The following DCHS2 variants were observed in gnomAD, a reference collection of about 807,000 sequenced individuals.
DCHS2 encodes the protein protocadherin-23.
In DCHS2, 142 loss-of-function variants were observed where a neutral mutation model predicts 182.4. The ratio of observed to expected loss-of-function variants is 0.78; its 90% CI spans 0.68 to 0.89. The LOEUF is 0.89. Among genes scored for constraint, DCHS2 ranks in the 40% least tolerant of loss-of-function variants. The pLI is 0.00. For missense variants in DCHS2, 4,319 were observed against 4,198.6 expected (o/e 1.03, Z -0.79); for synonymous variants, 1,740 against 1,663.3 (o/e 1.05, Z -1.12).
intron 3 of DCHS2, among the ~76,000 whole-genome samples, chr4:154,336,790 G>T (rs1165316748): frequency 2.0e-5 from 3 of 152,036 alleles, no homozygotes; most frequent in Non-Finnish European, 4.4e-5. Flanking sequence ...TGTACAATTT[G>T]ACAATTTGTG....
chr4:154,325,698 T>A (rs1489120370), intron 7 of DCHS2, among the ~76,000 whole-genome samples: 1 of 152,152 alleles, frequency 6.6e-6, no homozygotes, highest in Non-Finnish European at 1.5e-5. Flanking sequence ...GCTCACTACC[T>A]CTGTATAATC....
chr4:154,287,585 A>G (rs982698611), intron 13 of DCHS2, among the ~76,000 whole-genome samples: 1 of 152,140 alleles, frequency 6.6e-6, no homozygotes, highest in South Asian at 2.1e-4. Context: ...GATTCAAGTG[A>G]TACTTGTACC....
intron 1 of DCHS2, among the ~76,000 whole-genome samples, chr4:154,462,257 C>G (rs11930393): frequency 0.51 from 77,024 of 152,002 alleles, 20,304 homozygotes; most frequent in East Asian, 0.84. Flanking sequence ...CCTTCAATGT[C>G]TTTTCTTATT....
chr4:154,262,950 G>A (rs1733058097), intron 14 of DCHS2, among the ~76,000 whole-genome samples: 1 of 152,204 alleles, frequency 6.6e-6, no homozygotes, highest in African/African-American at 2.4e-5. Context: ...GTGGCATGAA[G>A]TTTAAATACA....
At position 154,234,786 on chromosome 4, in the gene DCHS2, A is replaced by C; in HGVS notation, c.9866T>G (p.Ile3289Ser). 6.2e-7 allele frequency: 1 copy of C among 1,614,024 alleles called. No homozygotes were observed. Among genetic ancestry groups the C allele is most frequent in the Non-Finnish European group, 8.5e-7 (1 of 1,179,942 alleles). The change falls in exon 20 of 20, where the codon ATT (isoleucine) becomes AGT (serine). Residue 3289 changes from isoleucine to serine, a missense_variant. Transcript: ENST00000357232. ...PLITAVAQPGIKAVPPRMPAV... is the reference protein window; with the variant it reads ...PLITAVAQPGSKAVPPRMPAV... ...CGGCATTCTTGGTGGGACTGCTTTA[A>C]TCCCAGGCTGGGCTACTGCTGTTAT...
At chr4:154,410,489 A>C (rs1201462666) in intron 1 of DCHS2, among the ~76,000 whole-genome samples, 1 of 141,796 alleles carries the variant, frequency 7.1e-6, no homozygotes, top group Non-Finnish European at 1.6e-5. Context: ...AAAAAAAAGA[A>C]AATATAATGA....
At chr4:154,345,700 A>T (rs1729326838) in intron 3 of DCHS2, among the ~76,000 whole-genome samples, 1 of 152,198 alleles carries the variant, frequency 6.6e-6, no homozygotes, top group African/African-American at 2.4e-5. Context: ...CCATGAGAGC[A>T]AGGACTGTGT....
At chr4:154,475,280 A>G (rs1026130707) in intron 1 of DCHS2, among the ~76,000 whole-genome samples, 2 of 152,200 alleles carry the variant, frequency 1.3e-5, no homozygotes, top group Admixed American at 6.5e-5. Context: ...TGAAGGTTTA[A>G]TATTTCAGAG....
intron 16 of DCHS2, among the ~76,000 whole-genome samples, chr4:154,247,671 A>G (rs13129992): frequency 0.87 from 123,699 of 141,874 alleles, 55,471 homozygotes; most frequent in East Asian, 1. Flanking sequence ...AAAAAAAAAA[A>G]AGAATTAGAA....
At chr4:154,304,939 G>C in intron 11 of DCHS2, 61 bp from the exon 12 acceptor site, 1 of 1,531,156 alleles carries the variant, frequency 6.5e-7, no homozygotes. Flanking sequence ...AAAATATGTT[G>C]TTCTAACTAG....
intron 16 of DCHS2, among the ~76,000 whole-genome samples, chr4:154,247,791 C>T (rs894851926): frequency 4.0e-5 from 6 of 151,794 alleles, no homozygotes; most frequent in African/African-American, 1.5e-4. Flanking sequence ...GCATATATTA[C>T]ATGAAAGAGT....
chr4:154,286,240 C>A (rs913317294), intron 13 of DCHS2, among the ~76,000 whole-genome samples: 3 of 151,760 alleles, frequency 2.0e-5, no homozygotes, highest in Admixed American at 6.6e-5. Context: ...AGAAGAGATG[C>A]AAACAACCTA....
At chr4:154,486,344 T>C in intron 1 of DCHS2, 1 of 1,247,802 alleles carries the variant, frequency 8.0e-7, no homozygotes, top group Non-Finnish European at 1.1e-6. Context: ...ACTAGAGTGG[T>C]AGGACCCCAA....
At chr4:154,480,263 A>AATAAT (rs1422309549) in intron 1 of DCHS2, among the ~76,000 whole-genome samples, 1 of 152,238 alleles carries the variant, frequency 6.6e-6, no homozygotes, top group African/African-American at 2.4e-5. Context: ...TAAGGCTAAA[A>AATAAT]ATAATATTTA....
intron 13 of DCHS2, among the ~76,000 whole-genome samples, chr4:154,282,608 T>C (rs866811413): frequency 1.6e-4 from 24 of 151,996 alleles, no homozygotes; most frequent in African/African-American, 5.6e-4. Context: ...CTATGGAACA[T>C]AGTACAGAGG....
chr4:154,324,112 T>C (rs994117021), intron 7 of DCHS2, among the ~76,000 whole-genome samples: 2 of 152,258 alleles, frequency 1.3e-5, no homozygotes, highest in African/African-American at 2.4e-5. Context: ...TCCACCAATG[T>C]TCCAACTATG....
chr4:154,400,018 T>C (rs1732092372), intron 1 of DCHS2, among the ~76,000 whole-genome samples: 1 of 151,148 alleles, frequency 6.6e-6, no homozygotes, highest in Non-Finnish European at 1.5e-5. Flanking sequence ...AAGTAGGCTT[T>C]CACGGCCGGG....
chr4:154,370,537 A>G (rs929551496), intron 2 of DCHS2, among the ~76,000 whole-genome samples: 3 of 152,184 alleles, frequency 2.0e-5, no homozygotes, highest in Non-Finnish European at 4.4e-5. Context: ...TAAATTAATG[A>G]TGCAGGAAAA....
chr4:154,471,572 G>C (rs1335856752), intron 1 of DCHS2, among the ~76,000 whole-genome samples: 1 of 152,028 alleles, frequency 6.6e-6, no homozygotes, highest in African/African-American at 2.4e-5. Flanking sequence ...AATAAATCCA[G>C]GGTTGAATTT....
Sources: allele counts gnomAD v4.1 joint callset (sites outside exome capture counted in the v4.1 genomes callset), GRCh38; gene constraint gnomAD v4.1.1; transcripts MANE v1.5; gene names NCBI Gene and HGNC (gene_info 2026-07-23, HGNC 2026-07-21).